Variants in CAPNS1 observed in about 807,000 individuals in gnomAD.
The protein encoded by CAPNS1 is calpain small subunit 1.
A neutral mutation model predicts 39.2 loss-of-function variants in CAPNS1; 32 were observed. The ratio of observed to expected loss-of-function variants is 0.82; its 90% CI spans 0.62 to 1.10. The LOEUF (loss-of-function observed/expected upper bound fraction) is 1.10. Among genes scored for constraint, CAPNS1 ranks in the 50% least tolerant of loss-of-function variants. The pLI, the probability that CAPNS1 is intolerant of heterozygous loss-of-function variation, is 0.00. For missense variants in CAPNS1, 353 were observed against 373.1 expected (o/e 0.95, Z 0.44); for synonymous variants, 153 against 136.2 (o/e 1.12, Z -0.86).
Position 36,140,843 on chromosome 19 carries a change from C to A in CAPNS1, c.-15-154C>A, listed in dbSNP as rs1303192528. 12 of 1,152,006 alleles carry A rather than the reference C, an allele frequency of 1.0e-5. No individual in the cohort carries two copies. The Admixed American group carries it at 2.9e-4, about 28-fold the overall frequency. The allele number at this position is 1,152,006 out of a possible 1,614,324, so 71.4% of individuals were successfully genotyped here. On this transcript the variant is annotated intron_variant, in intron 1 of 10. Coordinates refer to ENST00000246533, the MANE Select transcript of CAPNS1 (RefSeq NM_001749.4). ...TTGCAAACCTGATCCCCCATACCTG[C>A]CCCACCCATCCGCGGACAACCCGCC... is the stretch of plus-strand genomic sequence containing the variant.
intron 3 of CAPNS1, 22 bp downstream of exon 3, chr19:36,142,355 ACC>A: frequency 7.5e-7 from 1 of 1,328,392 alleles, no homozygotes; most frequent in Non-Finnish European, 1.0e-6. Context: ...CTGCAACCAG[ACC>A]CCCTTCTCCT....
chr19:36,142,477 G>A (rs944126526), intron 3 of CAPNS1, 144 bp downstream of exon 3: 15 of 687,754 alleles, frequency 2.2e-5, no homozygotes, highest in Non-Finnish European at 3.3e-5. Flanking sequence ...CTGCAGCTTC[G>A]CCATGGGTCT....
Position 36,141,174 on chromosome 19 carries a change from G to C in CAPNS1, c.163G>C (p.Gly55Arg). 7.0e-7 allele frequency: 1 copy of C among 1,418,552 alleles called. No individual in the cohort carries two copies. The allele number at this position is 1,418,552 out of a possible 1,614,324, so 87.9% of individuals were successfully genotyped here. A position where few individuals can be genotyped will look rare whatever the true frequency, so the allele number is the denominator to read the frequency against. The change falls in exon 2 of 11, where the codon GGT becomes CGT. Residue 55 changes from glycine (G) to arginine (R), a missense_variant. Transcript: ENST00000246533. ...CGGCGGTGGTGGAGGCGGCGGTGGC[G>C]GTGGAACGGCCATGCGCATCCTAGG... ...GGGGGGGGGG[G>R]GTAMRILGGV...
chr19:36,141,084 C>G lies in CAPNS1; in HGVS notation c.73C>G (p.Leu25Val). The G allele has an allele frequency of 6.7e-7, 1 of 1,484,768 alleles. No homozygotes were observed. Among genetic ancestry groups the G allele is most frequent in the South Asian group, 1.2e-5 (1 of 80,272 alleles). The allele number at this position is 1,484,768 out of a possible 1,614,324, so 92.0% of individuals were successfully genotyped here. The change falls in exon 2 of 11, where the codon CTG (leucine) becomes GTG (valine). Residue 25 changes from leucine to valine, a missense_variant. Coordinates refer to ENST00000246533, the MANE Select transcript of CAPNS1 (RefSeq NM_001749.4). ...GGGGGGLGGG[L>V]GNVLGGLISG... is the part of the protein sequence containing the mutation. ...GGGAGGCGGGGGCCTGGGTGGGGGC[C>G]TGGGAAATGTGCTTGGAGGCCTGAT...
chr19:36,141,155 T>TGGC lies in CAPNS1; in HGVS notation c.146_147insCGG (p.Gly56dup). ...GCGGCGGCGGCGGCGGCGGCGGCGG[T>TGGC]GGTGGAGGCGGCGGTGGCGGTGGAA... On this transcript the variant is annotated inframe_insertion, in exon 2 of 11. Transcript: ENST00000246533. 1 of 1,377,018 alleles carries TGGC rather than the reference T, an allele frequency of 7.3e-7. No individual in the cohort carries two copies. The highest frequency in any genetic ancestry group is 1.7e-5 in the South Asian group (1 of 58,212). 85.3% of individuals were successfully genotyped at this position (1,377,018 alleles called of 1,614,324 possible).
At position 36,145,867 on chromosome 19, in the gene CAPNS1, G is replaced by C. The variant is rs370009173; in HGVS notation, c.518G>C (p.Arg173Thr). 2.5e-5 allele frequency: 40 copies of C among 1,614,078 alleles called. No individual in the cohort carries two copies. The highest frequency in any genetic ancestry group is 3.1e-5 in the Non-Finnish European group (36 of 1,180,022). The stretch of plus-strand genomic sequence containing the variant: ...AAGTACTTGTGGAACAACATCAAAA[G>C]GTGGCAGGTGTGTAGAAACCTCTGA... ...EFKYLWNNIKRWQAIYKQFDT... is the reference protein window; with the variant it reads ...EFKYLWNNIKTWQAIYKQFDT... The change falls in exon 7 of 11, where the codon AGG becomes ACG. Residue 173 changes from arginine (R) to threonine (T), a missense_variant. Arg to Thr is a moderately conservative substitution (Grantham distance 71). Transcript: ENST00000246533.
chr19:36,142,550 C>T, intron 3 of CAPNS1, 102 bp from the exon 4 acceptor site: 1 of 877,500 alleles, frequency 1.1e-6, no homozygotes, highest in Admixed American at 2.0e-5. Flanking sequence ...CCTCATCAAG[C>T]TGCCCAGCCC....
In CAPNS1 at chr19:36,146,331, G is replaced by T; in HGVS notation, c.721+19G>T. ...ATGTTCCGTGAGTGACAACCCAGCT[G>T]TCTTCCTGGGTGGGGATTCCTATGA... On this transcript the variant is annotated intron_variant, in intron 9 of 10. Coordinates refer to ENST00000246533, the MANE Select transcript of CAPNS1 (RefSeq NM_001749.4). 1 of 1,512,968 alleles carries T rather than the reference G, an allele frequency of 6.6e-7. No individual in the cohort carries two copies. Among genetic ancestry groups the T allele is most frequent in the South Asian group, 1.1e-5 (1 of 88,766 alleles). The allele number at this position is 1,512,968 out of a possible 1,614,324, so 93.7% of individuals were successfully genotyped here.
intron 4 of CAPNS1, 76 bp downstream of exon 4, chr19:36,142,817 C>A (rs1250268687): frequency 6.3e-7 from 1 of 1,586,402 alleles, no homozygotes; most frequent in African/African-American, 1.3e-5. Context: ...CACACACACC[C>A]TTGACCATGA....
At chr19:36,144,676 G>A (rs1466332038) in intron 6 of CAPNS1, among the ~76,000 whole-genome samples, 4 of 152,056 alleles carry the variant, frequency 2.6e-5, no homozygotes, top group Non-Finnish European at 5.9e-5. Context: ...GAGACACTGC[G>A]CCTGGCCTCA....
In CAPNS1 at chr19:36,145,203, CTTTTTT is replaced by C. The variant is rs5827950; in HGVS notation, c.457-589_457-584del. 2.8e-3 allele frequency among the ~76,000 whole-genome samples: 328 copies of C among 118,290 alleles called. 2 individuals carry two copies. Among genetic ancestry groups the C allele is most frequent in the African/African-American group, 9.9e-3 (303 of 30,690 alleles). The allele number at this position is 118,290 out of a possible 152,430, so 77.6% of individuals were successfully genotyped here. ...CTGTCAAGAATTTTCTTTTCTTTCT[CTTTTTT>C]TTTTTTTTTTTTTGAGACAGAGTCT... On this transcript the variant is annotated intron_variant, in intron 6 of 10. Transcript: ENST00000246533.
intron 9 of CAPNS1, among the ~76,000 whole-genome samples, chr19:36,148,820 AAAAG>A (rs1280420461): frequency 1.3e-5 from 2 of 152,126 alleles, no homozygotes; most frequent in Admixed American, 6.6e-5. Context: ...CTCAAAAAAA[AAAAG>A]AAAGAAAGGC....
intron 3 of CAPNS1, 109 bp from the exon 4 acceptor site, chr19:36,142,543 C>T (rs1974413910): frequency 2.4e-6 from 2 of 839,336 alleles, no homozygotes; most frequent in African/African-American, 1.7e-5. Flanking sequence ...TTCTTTTCCT[C>T]ATCAAGCTGC....
chr19:36,141,050 C>G lies in CAPNS1; in HGVS notation c.39C>G (p.Gly13=), dbSNP rs1347534862. 1 of 948,362 alleles carries G rather than the reference C, an allele frequency of 1.1e-6. No homozygotes were observed. 58.7% of individuals were successfully genotyped at this position (948,362 alleles called of 1,614,324 possible). Reference sequence around the variant, plus strand: ...ACTCGTTCTTGAAGGGCGGCGGCGGCGGCGGCGGGGGAGGCGGGGGCCTGG... The same window carrying G: ...ACTCGTTCTTGAAGGGCGGCGGCGGGGGCGGCGGGGGAGGCGGGGGCCTGG... ...LVNSFLKGGG[G]GGGGGGGLGG... The change falls in exon 2 of 11, where the codon GGC becomes GGG. Residue 13 remains glycine, a synonymous_variant. Transcript: ENST00000246533.
At chr19:36,148,828 GAA>G (rs1156777151) in intron 9 of CAPNS1, among the ~76,000 whole-genome samples, 1 of 151,998 alleles carries the variant, frequency 6.6e-6, no homozygotes. Context: ...AAAAAAGAAA[GAA>G]AGGCAGCCAG....
chr19:36,146,282 A>G lies in CAPNS1; in HGVS notation c.691A>G (p.Ser231Gly). The G allele has an allele frequency of 6.2e-7, 1 of 1,613,688 alleles. No homozygotes were observed. The highest frequency in any genetic ancestry group is 1.3e-5 in the African/African-American group (1 of 75,052). Residue 231 changes from serine to glycine, a missense_variant, in exon 9 of 11, where the codon AGC becomes GGC. Ser to Gly is a moderately conservative substitution (Grantham distance 56, BLOSUM62 0). Transcript: ENST00000246533. ...SGNMDFDNFI[S>G]CLVRLDAMFR... ...GAACATGGATTTTGACAACTTCATC[A>G]GCTGCTTGGTCAGGCTGGACGCCAT...
At chr19:36,147,844 G>A (rs1974627260) in intron 9 of CAPNS1, among the ~76,000 whole-genome samples, 2 of 152,066 alleles carry the variant, frequency 1.3e-5, no homozygotes, top group South Asian at 4.2e-4. Flanking sequence ...AGGCTGAGGT[G>A]GGCGTAAAAC....
At chr19:36,148,565 C>G (rs1363460106) in intron 9 of CAPNS1, among the ~76,000 whole-genome samples, 1 of 148,112 alleles carries the variant, frequency 6.8e-6, no homozygotes, top group Non-Finnish European at 1.5e-5. Flanking sequence ...AATCCCAGCA[C>G]TTTGGGAGGC....
intron 2 of CAPNS1, 133 bp downstream of exon 2, chr19:36,141,353 CG>C: frequency 1.5e-6 from 2 of 1,364,756 alleles, no homozygotes; most frequent in Admixed American, 3.9e-5. Context: ...TGAATTAGGC[CG>C]GGGAGGCCTG....
Sources: allele counts gnomAD v4.1 joint callset (sites outside exome capture counted in the v4.1 genomes callset), GRCh38; gene constraint gnomAD v4.1.1; transcripts MANE v1.5; gene names NCBI Gene and HGNC (gene_info 2026-07-23, HGNC 2026-07-21).